RIC1: variants seen among roughly 807,000 people sequenced by gnomAD.
RIC1 encodes the protein RIC1 partner of RAB6A GEF complex, also known as guanine nucleotide exchange factor subunit RIC1.
Under a neutral mutation model 169.0 loss-of-function variants are expected in RIC1, and 88 were observed. That is an observed-to-expected ratio of 0.52 (90% CI 0.44 to 0.62). The LOEUF (loss-of-function observed/expected upper bound fraction) is 0.62. RIC1 is among the 20% of genes least tolerant of loss of function. RIC1 has a pLI of 0.00. For missense variants in RIC1, 1,877 were observed against 1,725.5 expected (o/e 1.09, Z -1.56); for synonymous variants, 790 against 601.5 (o/e 1.31, Z -4.59).
intron 1 of RIC1, among the ~76,000 whole-genome samples, chr9:5,640,229 G>A (rs1339988693): frequency 6.6e-6 from 1 of 152,090 alleles, no homozygotes; most frequent in Non-Finnish European, 1.5e-5. Context: ...TTGTGTATCT[G>A]TTGTGTTTTT....
At chr9:5,651,015 C>T (rs1185255504) in intron 1 of RIC1, among the ~76,000 whole-genome samples, 1 of 152,104 alleles carries the variant, frequency 6.6e-6, no homozygotes, top group Non-Finnish European at 1.5e-5. Flanking sequence ...CATGCTGTAA[C>T]TGTTTAGGTC....
chr9:5,714,008 A>G lies in RIC1; in HGVS notation c.440+5A>G, dbSNP rs1157027099. ...TTTACAAGCACCCATCATGAGGTAC[A>G]GTACTTTGGTTAAATTTGACATTGT... On this transcript the variant is annotated splice_donor_5th_base_variant and intron_variant, in intron 4 of 25. Coordinates refer to ENST00000414202, the MANE Select transcript of RIC1 (RefSeq NM_020829.4). 27 of 1,590,886 alleles carry G rather than the reference A, an allele frequency of 1.7e-5. No individual in the cohort carries two copies. Among genetic ancestry groups the G allele is most frequent in the Middle Eastern group, 3.3e-4 (2 of 6,050 alleles).
chr9:5,654,003 A>G (rs1040002923), intron 1 of RIC1, among the ~76,000 whole-genome samples: 4 of 152,006 alleles, frequency 2.6e-5, no homozygotes, highest in Admixed American at 6.6e-5. Context: ...TGCTTTTTAC[A>G]TTTTTTATGT....
chr9:5,750,291 G>T (rs752816554), intron 12 of RIC1, among the ~76,000 whole-genome samples: 7 of 151,850 alleles, frequency 4.6e-5, no homozygotes, highest in Non-Finnish European at 8.8e-5. Context: ...ATTTACTTCT[G>T]AAAGGTACAT....
intron 2 of RIC1, among the ~76,000 whole-genome samples, chr9:5,659,303 T>C (rs377520944): frequency 1.3e-5 from 2 of 152,294 alleles, no homozygotes; most frequent in South Asian, 4.1e-4. Context: ...TACTGTGGCT[T>C]TGTAGTAACT....
chr9:5,652,843 A>T (rs370838388), intron 1 of RIC1, among the ~76,000 whole-genome samples: 1 of 152,272 alleles, frequency 6.6e-6, no homozygotes, highest in East Asian at 1.9e-4. Flanking sequence ...TGGGTTTGTC[A>T]TATATGGCTT....
intron 17 of RIC1, among the ~76,000 whole-genome samples, chr9:5,759,333 A>T (rs1826196723): frequency 6.6e-6 from 1 of 152,224 alleles, no homozygotes; most frequent in Non-Finnish European, 1.5e-5. Context: ...TCTTGAACCC[A>T]AATCAAATCA....
chr9:5,696,560 T>G (rs1332888807), intron 3 of RIC1, among the ~76,000 whole-genome samples: 1 of 152,038 alleles, frequency 6.6e-6, no homozygotes, highest in Non-Finnish European at 1.5e-5. Flanking sequence ...ATAGTATGTT[T>G]TAAAAATTTA....
intron 10 of RIC1, among the ~76,000 whole-genome samples, chr9:5,743,993 G>T (rs2130986939): frequency 6.6e-6 from 1 of 151,924 alleles, no homozygotes; most frequent in Non-Finnish European, 1.5e-5. Context: ...GTAGAGACGT[G>T]GTCTTGCCAT....
chr9:5,745,801 T>TA, intron 10 of RIC1, 130 bp from the exon 11 acceptor site: 1 of 734,946 alleles, frequency 1.4e-6, no homozygotes, highest in Non-Finnish European at 2.2e-6. Flanking sequence ...TTATCACGGT[T>TA]TCTCCAACCT....
intron 6 of RIC1, among the ~76,000 whole-genome samples, chr9:5,724,228 A>G (rs1823807143): frequency 6.6e-6 from 1 of 152,032 alleles, no homozygotes; most frequent in Non-Finnish European, 1.5e-5. Flanking sequence ...GTCCTCTTTT[A>G]TTTCGTTGAG....
chr9:5,727,727 G>C (rs1053471300), intron 6 of RIC1, among the ~76,000 whole-genome samples: 4 of 152,098 alleles, frequency 2.6e-5, no homozygotes, highest in East Asian at 1.9e-4. Flanking sequence ...TTTTGGTGTG[G>C]ATGTCCTTTC....
At chr9:5,710,082 A>G (rs1822845779) in intron 3 of RIC1, among the ~76,000 whole-genome samples, 1 of 152,170 alleles carries the variant, frequency 6.6e-6, no homozygotes. Context: ...TCCAAAGAGA[A>G]AGATAAATAA....
At chr9:5,745,868 T>C in intron 10 of RIC1, 63 bp from the exon 11 acceptor site, 5 of 1,381,290 alleles carry the variant, frequency 3.6e-6, no homozygotes, top group Non-Finnish European at 5.1e-6. Flanking sequence ...TAATTGAAGC[T>C]AGAAAGGGAT....
rs201804178 is a variant in RIC1 at position 5,729,968 on chromosome 9, G to C, written c.721-2420G>C. On this transcript the variant is annotated intron_variant, in intron 6 of 25. Coordinates refer to ENST00000414202, the MANE Select transcript of RIC1 (RefSeq NM_020829.4). ...GATTGACTCTTTTCCAAGTACTTTA[G>C]AGTTAGTACAAAATATATTCTCAGT... Among the ~76,000 whole-genome samples, 26 of 152,120 alleles carry C rather than the reference G, an allele frequency of 1.7e-4. No homozygotes were observed. The East Asian group carries it at 4.6e-3, about 27-fold the overall frequency.
At chr9:5,685,662 C>G (rs967704464) in intron 2 of RIC1, among the ~76,000 whole-genome samples, 5 of 151,466 alleles carry the variant, frequency 3.3e-5, no homozygotes, top group East Asian at 1.9e-4. Context: ...AGACCTAAAA[C>G]CATAAAAACC....
chr9:5,704,299 T>G (rs1822422358), intron 3 of RIC1, among the ~76,000 whole-genome samples: 1 of 152,000 alleles, frequency 6.6e-6, no homozygotes, highest in Non-Finnish European at 1.5e-5. Flanking sequence ...CATCCTTGAT[T>G]TCTTGGGCTC....
At chr9:5,646,991 A>G (rs745435321) in intron 1 of RIC1, among the ~76,000 whole-genome samples, 1 of 152,192 alleles carries the variant, frequency 6.6e-6, no homozygotes, top group Non-Finnish European at 1.5e-5. Context: ...TGTATATAGT[A>G]TAAGATAAGG....
intron 3 of RIC1, among the ~76,000 whole-genome samples, chr9:5,697,088 C>G (rs1039923391): frequency 9.9e-5 from 15 of 152,140 alleles, no homozygotes; most frequent in South Asian, 4.1e-4. Context: ...TGGAGTGTCA[C>G]TATGTATTTG....
Sources: allele counts gnomAD v4.1 joint callset (sites outside exome capture counted in the v4.1 genomes callset), GRCh38; gene constraint gnomAD v4.1.1; transcripts MANE v1.5; gene names NCBI Gene and HGNC (gene_info 2026-07-23, HGNC 2026-07-21).